The following CERCAM variants were observed in gnomAD, a reference collection of about 807,000 sequenced individuals.
CERCAM encodes the protein cerebral endothelial cell adhesion molecule, also known as inactive glycosyltransferase 25 family member 3.
CERCAM carries 59 observed loss-of-function variants against 66.0 expected under a neutral mutation model. The observed-to-expected ratio is 0.89, with a 90% confidence interval of 0.73 to 1.11. The LOEUF (loss-of-function observed/expected upper bound fraction) is 1.11, where lower values mean the gene tolerates loss of function less well. Ranked by LOEUF, CERCAM falls within the 50% of genes most tolerant of loss-of-function variation. The probability of loss-of-function intolerance (pLI) is 0.00; values close to 1 mark genes in which losing one functional copy is unlikely to be tolerated. For missense variants in CERCAM, 840 were observed against 828.3 expected (o/e 1.01, Z -0.17); for synonymous variants, 318 against 343.6 (o/e 0.93, Z 0.83).
chr9:128,433,150 G>A (rs1269291225), intron 9 of CERCAM, among the ~76,000 whole-genome samples: 1 of 151,996 alleles, frequency 6.6e-6, no homozygotes, highest in African/African-American at 2.4e-5. Context: ...CGTGGTGGCG[G>A]CGCCTGTAGT....
rs1339915130 is a variant in CERCAM, at chr9:128,425,517, T to TA, written c.766+903_766+904insA. 2.0e-5 allele frequency among the ~76,000 whole-genome samples: 3 copies of TA among 147,584 alleles called. No individual in the cohort carries two copies. The East Asian group carries it at 5.9e-4, about 29-fold the overall frequency. On this transcript the variant is annotated intron_variant, in intron 5 of 12. Coordinates refer to ENST00000372838, the MANE Select transcript of CERCAM (RefSeq NM_016174.5). ...CAAGACCTCATCTCTTTTCTGCCCTTTTTTTTTTTTTGAGATGGAGTTTTG... is the reference window on the plus strand; with the variant it reads ...CAAGACCTCATCTCTTTTCTGCCCTTATTTTTTTTTTTGAGATGGAGTTTTG...
chr9:128,421,805 C>G (rs1833715471), intron 1 of CERCAM: 1 of 149,668 alleles, frequency 6.7e-6, no homozygotes, highest in Non-Finnish European at 1.5e-5. Context: ...CTTCAACACA[C>G]CACAGTTGGG....
rs1202254292 is a variant in CERCAM at position 128,423,307 on chromosome 9, A to C, written c.426+44A>C. 4.0e-6 allele frequency: 6 copies of C among 1,505,886 alleles called. No individual in the cohort carries two copies. The Admixed American group carries it at 1.0e-4, about 26-fold the overall frequency. The allele number at this position is 1,505,886 out of a possible 1,614,324, so 93.3% of individuals were successfully genotyped here. On this transcript the variant is annotated intron_variant, in intron 3 of 12. Transcript: ENST00000372838. ...AATCGGGCTTCTGAAAGGCGGTAGT[A>C]TCCGTCCCTGATAGAAATCTGGGTA...
At chr9:128,423,125 A>G (rs753669762) in intron 2 of CERCAM, 21 bp from the exon 3 acceptor site, 1 of 1,613,304 alleles carries the variant, frequency 6.2e-7, no homozygotes, top group Admixed American at 1.7e-5. Flanking sequence ...CCATGGGAAC[A>G]TCTCACCTCT....
chr9:128,421,182 A>G lies in CERCAM; in HGVS notation c.197+108A>G. ...CTCGCTCCCTGCCCAGACACCACCT[A>G]GACAGGCCCCTCCCCTCACAGACGG... On this transcript the variant is annotated intron_variant, in intron 1 of 12. Coordinates refer to ENST00000372838, the MANE Select transcript of CERCAM (RefSeq NM_016174.5). 3 of 1,243,276 alleles carry G rather than the reference A, an allele frequency of 2.4e-6. No homozygotes were observed. In the Admixed American group the frequency reaches 1.3e-4, roughly 53 times the overall value. 77.0% of individuals were successfully genotyped at this position (1,243,276 alleles called of 1,614,324 possible).
intron 8 of CERCAM, among the ~76,000 whole-genome samples, chr9:128,430,507 T>C (rs1393635602): frequency 6.6e-6 from 1 of 151,512 alleles, no homozygotes; most frequent in Admixed American, 6.6e-5. Flanking sequence ...CCCAAAGCAC[T>C]GGGATTACAG....
At chr9:128,428,569 C>T in intron 6 of CERCAM, 148 bp downstream of exon 6, 1 of 1,195,522 alleles carries the variant, frequency 8.4e-7, no homozygotes, top group Non-Finnish European at 1.2e-6. Flanking sequence ...TGAGAAAGTC[C>T]CTTTCCCTGT....
chr9:128,429,215 A>G (rs994762868), intron 8 of CERCAM, among the ~76,000 whole-genome samples, 179 bp downstream of exon 8: 7 of 152,170 alleles, frequency 4.6e-5, no homozygotes, highest in African/African-American at 1.7e-4. Context: ...ACGTGGGAGA[A>G]GATGCCCTCC....
At chr9:128,426,433 A>G (rs1027672447) in intron 5 of CERCAM, among the ~76,000 whole-genome samples, 8 of 151,958 alleles carry the variant, frequency 5.3e-5, no homozygotes, top group African/African-American at 1.9e-4. Flanking sequence ...GACCATCTTA[A>G]GACGGTGAAA....
intron 1 of CERCAM, 70 bp from the exon 2 acceptor site, chr9:128,422,798 G>A: frequency 6.4e-7 from 1 of 1,556,260 alleles, no homozygotes; most frequent in Non-Finnish European, 8.7e-7. Flanking sequence ...TTAGTGCTTT[G>A]GGGTCAAGGC....
At chr9:128,426,935 A>G (rs1833859711) in intron 5 of CERCAM, among the ~76,000 whole-genome samples, 1 of 152,182 alleles carries the variant, frequency 6.6e-6, no homozygotes, top group African/African-American at 2.4e-5. Context: ...AGGGGAAAAC[A>G]CAAGAGGAAA....
Position 128,428,381 on chromosome 9 carries a change from C to G in CERCAM, c.846C>G (p.Asp282Glu). ...TGAAATCCCACCAGGGGCTGGAAGA[C>G]GAGAGGGTCAACTTCATCCACCTGA... ...VPVKSHQGLE[D>E]ERVNFIHLIL... The change falls in exon 6 of 13, where the codon GAC (aspartate) becomes GAG (glutamate). Residue 282 changes from aspartate to glutamate, a missense_variant. By Grantham distance (45) the Asp-to-Glu change is conservative. Transcript: ENST00000372838. 6.2e-7 allele frequency: 1 copy of G among 1,614,112 alleles called. No homozygotes were observed. Among genetic ancestry groups the G allele is most frequent in the Non-Finnish European group, 8.5e-7 (1 of 1,180,018 alleles).
In CERCAM at chr9:128,431,197, A is replaced by T; in HGVS notation, c.1097A>T (p.Asn366Ile). The T allele has an allele frequency of 6.2e-7, 1 of 1,613,858 alleles. No homozygotes were observed. Among genetic ancestry groups the T allele is most frequent in the Non-Finnish European group, 8.5e-7 (1 of 1,179,988 alleles). The change falls in exon 9 of 13, where the codon AAC (asparagine) becomes ATC (isoleucine). Residue 366 changes from asparagine to isoleucine, a missense_variant. Transcript: ENST00000372838. ...GWMLNSSAIR[N>I]LGVDLLPGYQ... ...ATGCTCAACAGCAGTGCCATCAGGA[A>T]CCTCGGCGTAGACCTGCTCCCGGGC...
At chr9:128,424,026 T>C in intron 3 of CERCAM, 112 bp from the exon 4 acceptor site, 1 of 1,220,480 alleles carries the variant, frequency 8.2e-7, no homozygotes, top group South Asian at 1.4e-5. Flanking sequence ...TGTAAGAGCA[T>C]TCCCACTGGA....
intron 3 of CERCAM, 26 bp downstream of exon 3, chr9:128,423,289 CTTCTGAAAGGCGGTAGT>C: frequency 6.3e-7 from 1 of 1,578,678 alleles, no homozygotes; most frequent in Non-Finnish European, 8.7e-7. Flanking sequence ...TAGAATCGGG[CTTCTGAAAGGCGGTAGT>C]ATCCGTCCCT....
intron 12 of CERCAM, among the ~76,000 whole-genome samples, chr9:128,436,563 A>G (rs1298109784): frequency 6.6e-6 from 1 of 151,986 alleles, no homozygotes; most frequent in African/African-American, 2.4e-5. Flanking sequence ...TATTTTTAGT[A>G]GAGACAGGGT....
chr9:128,423,331 T>C (rs1033808369), intron 3 of CERCAM, 68 bp downstream of exon 3: 12 of 1,350,756 alleles, frequency 8.9e-6, no homozygotes, highest in Non-Finnish European at 1.2e-5. Flanking sequence ...GAAATCTGGG[T>C]ATAGGCTGGG....
At chr9:128,424,300 G>A in intron 4 of CERCAM, 28 bp downstream of exon 4, 2 of 1,613,252 alleles carry the variant, frequency 1.2e-6, no homozygotes, top group Non-Finnish European at 1.7e-6. Context: ...GCCTTGGGTG[G>A]ACTGAGGTCC....
chr9:128,433,811 G>T lies in CERCAM; in HGVS notation c.1204-291G>T, dbSNP rs916159096. Among the ~76,000 whole-genome samples the T allele has an allele frequency of 3.3e-5, 5 of 152,220 alleles. No individual in the cohort carries two copies. In the East Asian group the frequency reaches 9.6e-4, roughly 29 times the overall value. On this transcript the variant is annotated intron_variant, in intron 9 of 12. Transcript: ENST00000372838. ...CTGCGATTGAGGATCATCATCTCCTGCCTCCTGAGGGCCCCTGCAGATACG... is the reference window on the plus strand; with the variant it reads ...CTGCGATTGAGGATCATCATCTCCTTCCTCCTGAGGGCCCCTGCAGATACG...
Sources: allele counts gnomAD v4.1 joint callset (sites outside exome capture counted in the v4.1 genomes callset), GRCh38; gene constraint gnomAD v4.1.1; transcripts MANE v1.5; gene names NCBI Gene and HGNC (gene_info 2026-07-23, HGNC 2026-07-21).